The following GABRA5 variants were observed in gnomAD, a reference collection of about 807,000 sequenced individuals.
GABRA5 encodes gamma-aminobutyric acid receptor subunit alpha-5.
GABRA5 carries 18 observed loss-of-function variants against 47.3 expected under a neutral mutation model. The observed-to-expected ratio is 0.38, with a 90% confidence interval of 0.26 to 0.56. The LOEUF is 0.56. Among genes scored for constraint, GABRA5 ranks in the 20% least tolerant of loss-of-function variants. The pLI is 0.71. For synonymous variants in GABRA5, 237 were observed against 229.3 expected (o/e 1.03, Z -0.30); for missense variants, 365 against 599.3 (o/e 0.61, Z 4.08).
rs1310055458 is a variant in GABRA5 at position 26,948,295 on chromosome 15, T to A, written c.*62T>A. The A allele has an allele frequency of 1.3e-6, 2 of 1,516,460 alleles. No homozygotes were observed. The highest frequency in any genetic ancestry group is 1.8e-6 in the Non-Finnish European group (2 of 1,117,892). The allele number at this position is 1,516,460 out of a possible 1,614,324, so 93.9% of individuals were successfully genotyped here. A position where few individuals can be genotyped will look rare whatever the true frequency, so the allele number is the denominator to read the frequency against. On this transcript the variant is annotated 3_prime_UTR_variant, in exon 11 of 11. Transcript: ENST00000335625. ...CCAGCGAAATGGTACCAAGGAGAGG[T>A]CTTGCTCACAGGGACTCTCCATATG...
chr15:26,922,810 G>C (rs936976774), intron 7 of GABRA5, among the ~76,000 whole-genome samples: 6 of 152,126 alleles, frequency 3.9e-5, no homozygotes, highest in Non-Finnish European at 7.4e-5. Context: ...GCCCAGGCTG[G>C]AGTGCAATGG....
intron 7 of GABRA5, among the ~76,000 whole-genome samples, chr15:26,922,343 T>C (rs957950820): frequency 2.0e-5 from 3 of 152,224 alleles, no homozygotes; most frequent in Non-Finnish European, 2.9e-5. Flanking sequence ...TGGAAATTTT[T>C]CTCTGCTTTG....
At chr15:26,932,580 A>G (rs1894134063) in intron 7 of GABRA5, among the ~76,000 whole-genome samples, 1 of 152,236 alleles carries the variant, frequency 6.6e-6, no homozygotes, top group Non-Finnish European at 1.5e-5. Flanking sequence ...ACCTAGAACC[A>G]GAAATACCAT....
intron 10 of GABRA5, among the ~76,000 whole-genome samples, 196 bp from the exon 11 acceptor site, chr15:26,947,738 T>C (rs1894545839): frequency 6.6e-6 from 1 of 152,180 alleles, no homozygotes; most frequent in South Asian, 2.1e-4. Flanking sequence ...CGTTATGGGA[T>C]TGCCAGACTT....
chr15:26,926,766 T>A (rs1893970997), intron 7 of GABRA5, among the ~76,000 whole-genome samples: 1 of 152,200 alleles, frequency 6.6e-6, no homozygotes, highest in South Asian at 2.1e-4. Flanking sequence ...AGATGATTGT[T>A]TTTTTGATCA....
chr15:26,934,022 G>GCCTCC (rs1894171522), intron 7 of GABRA5, among the ~76,000 whole-genome samples: 1 of 152,044 alleles, frequency 6.6e-6, no homozygotes, highest in East Asian at 1.9e-4. Flanking sequence ...GGAGGCTGAG[G>GCCTCC]CGGGTGTATC....
chr15:26,892,792 C>T (rs1893040725), intron 6 of GABRA5, among the ~76,000 whole-genome samples: 1 of 152,084 alleles, frequency 6.6e-6, no homozygotes, highest in African/African-American at 2.4e-5. Context: ...GCTGAAGGGC[C>T]CCTTGGGGCA....
intron 7 of GABRA5, among the ~76,000 whole-genome samples, chr15:26,932,429 C>T (rs1411700612): frequency 6.6e-6 from 1 of 152,188 alleles, no homozygotes; most frequent in Admixed American, 6.5e-5. Context: ...CATCTCACAC[C>T]AGTCAGAATG....
At chr15:26,940,861 C>T (rs868720931) in intron 9 of GABRA5, among the ~76,000 whole-genome samples, 5 of 152,142 alleles carry the variant, frequency 3.3e-5, no homozygotes, top group Admixed American at 1.3e-4. Flanking sequence ...TTAATTACCT[C>T]GAAGCTCAGC....
chr15:26,940,875 C>T (rs1307224582), intron 9 of GABRA5, among the ~76,000 whole-genome samples: 2 of 152,184 alleles, frequency 1.3e-5, no homozygotes, highest in African/African-American at 4.8e-5. Context: ...GCTCAGCTTC[C>T]TCAGATTCAG....
chr15:26,887,571 C>T (rs886856446), intron 6 of GABRA5, among the ~76,000 whole-genome samples: 10 of 152,046 alleles, frequency 6.6e-5, no homozygotes, highest in East Asian at 1.9e-4. Context: ...ACCTCAGCCT[C>T]GGCCTCCACC....
At chr15:26,940,429 A>G (rs1018551601) in intron 9 of GABRA5, among the ~76,000 whole-genome samples, 2 of 152,144 alleles carry the variant, frequency 1.3e-5, no homozygotes, top group Non-Finnish European at 2.9e-5. Context: ...TGTTTCAGAT[A>G]TCAGATTTTT....
chr15:26,908,947 CT>C lies in GABRA5; in HGVS notation c.498-5853del, dbSNP rs1893513143. 2.6e-5 allele frequency among the ~76,000 whole-genome samples: 4 copies of C among 152,212 alleles called. No individual in the cohort carries two copies. The South Asian group carries it at 8.3e-4, about 31-fold the overall frequency. On this transcript the variant is annotated intron_variant, in intron 6 of 10. Transcript: ENST00000335625. ...ATTTCAAAATATGCATGGGGCTGCT[CT>C]TTGGCACAATAACTGCTGGTCATTA...
At chr15:26,938,090 G>A (rs1304737257) in intron 8 of GABRA5, among the ~76,000 whole-genome samples, 4 of 152,246 alleles carry the variant, frequency 2.6e-5, no homozygotes, top group East Asian at 1.9e-4. Flanking sequence ...TCAGGGGAAC[G>A]CTCTGTCAGC....
rs1425747070 is a variant in GABRA5 at position 26,947,949 on chromosome 15, A to T, written c.1105A>T (p.Ile369Leu). The change falls in exon 11 of 11, where the codon ATA (isoleucine) becomes TTA (leucine). Residue 369 changes from isoleucine to leucine, a missense_variant. Around this residue, in one of 3 missense-constraint regions of GABRA5, gnomAD observed 106 missense variants for 130.3 expected, o/e 0.81. Transcript: ENST00000335625. ...TATTTTGCAGAAAAAGCGTGAAGTC[A>T]TACTAAATAAGTCAACAAACGCTTT... Reference protein sequence around the residue: ...AAKIKKKREVILNKSTNAFTT... With the variant: ...AAKIKKKREVLLNKSTNAFTT... 1 of 1,577,656 alleles carries T rather than the reference A, an allele frequency of 6.3e-7. No individual in the cohort carries two copies. Among genetic ancestry groups the T allele is most frequent in the Non-Finnish European group, 8.6e-7 (1 of 1,160,788 alleles).
chr15:26,883,586 C>CCGGGGGGGGGGGGGGGGGGGCG lies in GABRA5; in HGVS notation c.497+29_497+30insCGGGGGGGGGGGGGGGGGGGCG. ...AGCGCCGGGCGGGGGCGGGCGGGGC[C>CCGGGGGGGGGGGGGGGGGGGCG]GGGGGACGGTGCGGGGCAGGCGCGG... is the stretch of plus-strand genomic sequence containing the variant. On this transcript the variant is annotated intron_variant, in intron 6 of 10. Transcript: ENST00000335625. The surrounding 1 kb of genome is among the most constrained non-coding windows in gnomAD (Gnocchi z 4.8). 1 of 560,468 alleles carries CCGGGGGGGGGGGGGGGGGGGCG rather than the reference C, an allele frequency of 1.8e-6. No homozygotes were observed. Among genetic ancestry groups the CCGGGGGGGGGGGGGGGGGGGCG allele is most frequent in the Admixed American group, 2.5e-5 (1 of 39,242 alleles). 34.7% of individuals were successfully genotyped at this position (560,468 alleles called of 1,614,324 possible).
At chr15:26,930,895 C>CTTTTTTTT (rs555799476) in intron 7 of GABRA5, among the ~76,000 whole-genome samples, 16 of 115,018 alleles carry the variant, frequency 1.4e-4, no homozygotes, top group African/African-American at 4.4e-4. Flanking sequence ...TCTTTCTTTT[C>CTTTTTTTT]TTTTTTTTTT....
intron 6 of GABRA5, among the ~76,000 whole-genome samples, chr15:26,886,896 C>A (rs986791619): frequency 6.6e-6 from 1 of 152,112 alleles, no homozygotes; most frequent in African/African-American, 2.4e-5. Context: ...AATTTTAATG[C>A]GATAGAGCTA....
chr15:26,930,848 CT>C (rs1011041830), intron 7 of GABRA5, among the ~76,000 whole-genome samples: 1 of 150,522 alleles, frequency 6.6e-6, no homozygotes, highest in Non-Finnish European at 1.5e-5. Context: ...CAATTTCTTT[CT>C]TTTTTTTCTT....
Sources: gnomAD v4.1 joint callset for allele counts (sites outside exome capture counted in the v4.1 genomes callset) on GRCh38, gnomAD v4.1.1 for gene constraint, gnomAD v4.1.1 regional missense constraint, Gnocchi (gnomAD v3.1) non-coding constraint, MANE v1.5 for transcripts, NCBI Gene and HGNC (gene_info 2026-07-23, HGNC 2026-07-21) for gene names.